Variants in SPTBN2 observed in about 807,000 individuals in gnomAD.
SPTBN2 encodes the protein spectrin beta chain, non-erythrocytic 2.
In SPTBN2, 107 loss-of-function variants were observed where a neutral mutation model predicts 284.2. The ratio of observed to expected loss-of-function variants is 0.38; its 90% confidence interval spans 0.32 to 0.44. The LOEUF (loss-of-function observed/expected upper bound fraction) is 0.44. Among genes scored for constraint, SPTBN2 ranks in the 20% least tolerant of loss-of-function variants. The probability of loss-of-function intolerance (pLI) is 1.00; values close to 1 mark genes in which losing one functional copy is unlikely to be tolerated. For missense variants in SPTBN2, 2,569 were observed against 3,287.1 expected (o/e 0.78, Z 5.34); for synonymous variants, 1,289 against 1,354.8 (o/e 0.95, Z 1.07).
Position 66,691,155 on chromosome 11 carries a change from A to C in SPTBN2, c.5565+129T>G. 1 of 1,328,966 alleles carries C rather than the reference A, an allele frequency of 7.5e-7. No individual in the cohort carries two copies. The highest frequency in any genetic ancestry group is 1.0e-6 in the Non-Finnish European group (1 of 998,858). 82.3% of individuals were successfully genotyped at this position (1,328,966 alleles called of 1,614,324 possible). On this transcript the variant is annotated intron_variant, in intron 27 of 37. Coordinates refer to ENST00000533211, the MANE Select transcript of SPTBN2 (RefSeq NM_006946.4). The surrounding 1 kb of genome is among the most constrained non-coding windows in gnomAD (Gnocchi z 8.0). ...TTCTTGGAGCAATTTCCTCATCTCG[A>C]AATGGCCCTCGAAAGAGTGCCGTCC...
At chr11:66,724,409 T>C (rs1321218469) in intron 1 of SPTBN2, among the ~76,000 whole-genome samples, 1 of 150,886 alleles carries the variant, frequency 6.6e-6, no homozygotes, top group Non-Finnish European at 1.5e-5. Flanking sequence ...GATGACAGAG[T>C]GAAATTTGTC....
At chr11:66,706,166 TCCACCCTC>T (rs1193583051) in intron 13 of SPTBN2, among the ~76,000 whole-genome samples, 1 of 151,636 alleles carries the variant, frequency 6.6e-6, no homozygotes, top group Non-Finnish European at 1.5e-5. Flanking sequence ...CTCTCCCCAA[TCCACCCTC>T]CTAGCCGCTG....
Position 66,686,123 on chromosome 11 carries a change from T to C in SPTBN2, c.6940-19A>G. 1 of 1,604,096 alleles carries C rather than the reference T, an allele frequency of 6.2e-7. No homozygotes were observed. Among genetic ancestry groups the C allele is most frequent in the Middle Eastern group, 1.7e-4 (1 of 6,058 alleles). On this transcript the variant is annotated intron_variant, in intron 37 of 37. Coordinates refer to ENST00000533211, the MANE Select transcript of SPTBN2 (RefSeq NM_006946.4). ...TCTCTGCCTGTGGATGGAAAGACCCTCAATCAGCTTCAAGGACACTGTGCT... is the reference window on the plus strand; with the variant it reads ...TCTCTGCCTGTGGATGGAAAGACCCCCAATCAGCTTCAAGGACACTGTGCT...
intron 7 of SPTBN2, 64 bp from the exon 8 acceptor site, chr11:66,713,810 C>A: frequency 7.5e-7 from 1 of 1,339,826 alleles, no homozygotes; most frequent in Non-Finnish European, 1.1e-6. Context: ...GAAGAGGAAA[C>A]CCACACCAAT....
At chr11:66,695,796 C>G (rs1260753647) in intron 21 of SPTBN2, among the ~76,000 whole-genome samples, 4 of 151,440 alleles carry the variant, frequency 2.6e-5, no homozygotes, top group Non-Finnish European at 5.9e-5. Context: ...ATGGCATGAT[C>G]ACGGCTCACT....
chr11:66,728,234 G>A (rs1942703016), intron 1 of SPTBN2: 1 of 145,446 alleles, frequency 6.9e-6, no homozygotes, highest in Non-Finnish European at 1.5e-5. Context: ...CGCGCCTGCA[G>A]CCCGGCCGCG....
At chr11:66,703,968 TTTTC>T (rs1393357677) in intron 15 of SPTBN2, among the ~76,000 whole-genome samples, 3 of 143,572 alleles carry the variant, frequency 2.1e-5, no homozygotes, top group African/African-American at 5.0e-5. Flanking sequence ...CTCGTATTTC[TTTTC>T]TTTTTTTTTT....
chr11:66,700,667 T>C lies in SPTBN2; in HGVS notation c.3432A>G (p.Arg1144=), dbSNP rs773311278. The C allele has an allele frequency of 1.9e-6, 3 of 1,607,174 alleles. No homozygotes were observed. ...CAGTTCCCAGGGCCTCCAGTCGCTG[T>C]CGTAGGAAGAGGCACTGGGGGTCAG... is the stretch of plus-strand genomic sequence containing the variant. ...DQADPQCLFL[R]QRLEALGTGW... The change falls in exon 17 of 38, where the codon CGA becomes CGG. Residue 1144 remains arginine, a synonymous_variant. Coordinates refer to ENST00000533211, the MANE Select transcript of SPTBN2 (RefSeq NM_006946.4). This position sits in a 1 kb window ranked among gnomAD's most constrained non-coding sequence, Gnocchi z 6.6.
intron 15 of SPTBN2, among the ~76,000 whole-genome samples, chr11:66,703,771 G>A (rs1941374638): frequency 6.6e-6 from 1 of 151,796 alleles, no homozygotes; most frequent in Non-Finnish European, 1.5e-5. Context: ...TGTTCTATGT[G>A]ATAATGGTAT....
chr11:66,714,800 C>T (rs565076494), intron 5 of SPTBN2, among the ~76,000 whole-genome samples: 2 of 152,076 alleles, frequency 1.3e-5, no homozygotes, highest in African/African-American at 4.8e-5. Flanking sequence ...GACACTGGGG[C>T]ATGAGGAGGA....
chr11:66,686,906 A>G, intron 36 of SPTBN2, 88 bp downstream of exon 36: 1 of 1,551,910 alleles, frequency 6.4e-7, no homozygotes, highest in Non-Finnish European at 8.8e-7. Flanking sequence ...CCTTACAGGA[A>G]CTCCCCTCCC....
rs533709901 is a variant in SPTBN2, at chr11:66,691,716, C to T, written c.5191-58G>A. 5.0e-5 allele frequency: 80 copies of T among 1,608,408 alleles called. No individual in the cohort carries two copies. The African/African-American group carries it at 1.0e-3, about 20-fold the overall frequency. ...GTGATGTTAGGGGATGTGGTCCCTG[C>T]CTGATGGAGCGAGTCCTCCACTCCA... On this transcript the variant is annotated intron_variant, in intron 26 of 37. Coordinates refer to ENST00000533211, the MANE Select transcript of SPTBN2 (RefSeq NM_006946.4). The surrounding 1 kb of genome is among the most constrained non-coding windows in gnomAD (Gnocchi z 8.0).
rs1370153692 is a variant in SPTBN2 at position 66,683,609 on chromosome 11, T to C, written c.*2262A>G. Among the ~76,000 whole-genome samples the C allele has an allele frequency of 6.6e-6, 1 of 152,254 alleles. No individual in the cohort carries two copies. Among genetic ancestry groups the C allele is most frequent in the East Asian group, 1.9e-4 (1 of 5,198 alleles). On this transcript the variant is annotated 3_prime_UTR_variant, in exon 38 of 38. Transcript: ENST00000533211. ...CATGCCCTGAAGTCCTGCTGCCGCA[T>C]ATGCAGATGCTGCTCGGGGTCTTCA...
chr11:66,697,704 C>A (rs1254691624), intron 20 of SPTBN2, among the ~76,000 whole-genome samples: 1 of 152,174 alleles, frequency 6.6e-6, no homozygotes, highest in Admixed American at 6.5e-5. Context: ...CAGGCTTCAA[C>A]GGGGCCACTC....
chr11:66,711,422 G>A lies in SPTBN2; in HGVS notation c.773-393C>T, dbSNP rs555011510. On this transcript the variant is annotated intron_variant, in intron 8 of 37. Transcript: ENST00000533211. Reference sequence around the variant, plus strand: ...TCAATGGATTGAGGGGCAGTGGGACGGAAGGTATGAACTAAGCCTCCTGAA... The same window carrying A: ...TCAATGGATTGAGGGGCAGTGGGACAGAAGGTATGAACTAAGCCTCCTGAA... Among the ~76,000 whole-genome samples, 15 of 152,322 alleles carry A rather than the reference G, an allele frequency of 9.8e-5. No individual in the cohort carries two copies. In the South Asian group the frequency reaches 1.0e-3, roughly 11 times the overall value.
rs918470455 is a variant in SPTBN2 at position 66,701,494 on chromosome 11, C to T, written c.2816+90G>A. On this transcript the variant is annotated intron_variant, in intron 16 of 37. Transcript: ENST00000533211. Reference sequence around the variant, plus strand: ...GGTTTGCTTCCTCCTTTGTAGCCACCCTTCCAGGCCCTACAAAACCTGCCT... The same window carrying T: ...GGTTTGCTTCCTCCTTTGTAGCCACTCTTCCAGGCCCTACAAAACCTGCCT... 5 of 1,600,404 alleles carry T rather than the reference C, an allele frequency of 3.1e-6. No individual in the cohort carries two copies. In the East Asian group the frequency reaches 6.7e-5, roughly 21 times the overall value.
Position 66,704,871 on chromosome 11 carries a change from G to A in SPTBN2, c.2405C>T (p.Thr802Ile). ...TGCCTGTTCCCTCAAGGCGTCCAGG[G>A]TTGGCCGGTGGCTTCGAATCTCCTC... The part of the protein sequence containing the change: ...LEEEIRSHRP[T>I]LDALREQAAA... Residue 802 changes from threonine to isoleucine, a missense_variant, in exon 15 of 38, where the codon ACC becomes ATC. Coordinates refer to ENST00000533211, the MANE Select transcript of SPTBN2 (RefSeq NM_006946.4). 6.2e-7 allele frequency: 1 copy of A among 1,610,644 alleles called. No homozygotes were observed.
rs1427305164 is a variant in SPTBN2, at chr11:66,721,364, C to T, written c.-37G>A. 8 of 1,364,956 alleles carry T rather than the reference C, an allele frequency of 5.9e-6. No homozygotes were observed. In the African/African-American group the frequency reaches 1.1e-4, roughly 20 times the overall value. 84.6% of individuals were successfully genotyped at this position (1,364,956 alleles called of 1,614,324 possible). A position where few individuals can be genotyped will look rare whatever the true frequency, so the allele number is the denominator to read the frequency against. Reference sequence around the variant, plus strand: ...TCTTGCCCTACCTGTGCTCCGCTCTCCTTGTGGCCAGAGGCTGCGGTTGGC... The same window carrying T: ...TCTTGCCCTACCTGTGCTCCGCTCTTCTTGTGGCCAGAGGCTGCGGTTGGC... On this transcript the variant is annotated 5_prime_UTR_variant, in exon 2 of 38. Transcript: ENST00000533211.
chr11:66,684,634 C>CAA lies in SPTBN2; in HGVS notation c.*1235_*1236dup, dbSNP rs903836770. Among the ~76,000 whole-genome samples, 14 of 60,386 alleles carry CAA rather than the reference C, an allele frequency of 2.3e-4. No individual in the cohort carries two copies. Among genetic ancestry groups the CAA allele is most frequent in the East Asian group, 1.0e-3 (2 of 1,994 alleles). The allele number at this position is 60,386 out of a possible 152,430, so 39.6% of individuals were successfully genotyped here. ...TGGCTGACAGAGTGAGACTCTGTCT[C>CAA]AAAAAAAAAAAAAAAAAAGAATATA... On this transcript the variant is annotated 3_prime_UTR_variant, in exon 38 of 38. Transcript: ENST00000533211.
Sources: allele counts gnomAD v4.1 joint callset (sites outside exome capture counted in the v4.1 genomes callset), GRCh38; gene constraint gnomAD v4.1.1; non-coding constraint Gnocchi (gnomAD v3.1); transcripts MANE v1.5; gene names NCBI Gene and HGNC (gene_info 2026-07-23, HGNC 2026-07-21).